The following TAFA5 variants were observed in gnomAD, a reference collection of about 807,000 sequenced individuals.
The protein encoded by TAFA5 is chemokine-like protein TAFA-5.
Under a neutral mutation model 15.3 loss-of-function variants are expected in TAFA5, and 6 were observed. That is an observed-to-expected ratio of 0.39 (90% CI 0.21 to 0.77). The LOEUF is 0.77. TAFA5 is among the 30% of genes least tolerant of loss of function. The pLI, the probability that TAFA5 is intolerant of heterozygous loss-of-function variation, is 0.41. For missense variants in TAFA5, 161 were observed against 193.1 expected (o/e 0.83, Z 0.98); for synonymous variants, 103 against 80.7 (o/e 1.28, Z -1.48).
chr22:48,524,649 G>A (rs146860794), intron 1 of TAFA5, among the ~76,000 whole-genome samples: 5 of 152,176 alleles, frequency 3.3e-5, no homozygotes, highest in African/African-American at 4.8e-5. Context: ...GTTCTCACAC[G>A]CAGGATCCGG....
At chr22:48,614,111 G>A (rs1307979429) in intron 1 of TAFA5, among the ~76,000 whole-genome samples, 2 of 152,040 alleles carry the variant, frequency 1.3e-5, no homozygotes, top group African/African-American at 4.8e-5. Flanking sequence ...CAGCCGGTGT[G>A]CTTGGCTACA....
chr22:48,727,316 T>C (rs1157578906), intron 3 of TAFA5, among the ~76,000 whole-genome samples: 8 of 152,216 alleles, frequency 5.3e-5, no homozygotes, highest in Admixed American at 5.2e-4. Context: ...CTGTAACCTC[T>C]AGTAAAACTA....
chr22:48,686,937 TGG>T (rs2147234663), intron 2 of TAFA5, among the ~76,000 whole-genome samples: 1 of 137,782 alleles, frequency 7.3e-6, no homozygotes, highest in East Asian at 2.1e-4. Flanking sequence ...GATGGATGGA[TGG>T]ATTGGTGGAG....
chr22:48,528,271 AGAGTTGCGGT>A (rs942206130), intron 1 of TAFA5, among the ~76,000 whole-genome samples: 1 of 152,170 alleles, frequency 6.6e-6, no homozygotes, highest in African/African-American at 2.4e-5. Context: ...GGGCTGCTGC[AGAGTTGCGGT>A]GAGGACTCCA....
intron 3 of TAFA5, among the ~76,000 whole-genome samples, chr22:48,725,938 C>T (rs1487504531): frequency 6.6e-6 from 1 of 152,086 alleles, no homozygotes; most frequent in African/African-American, 2.4e-5. Flanking sequence ...AACGAAAAAC[C>T]AAACAAAAAC....
intron 1 of TAFA5, among the ~76,000 whole-genome samples, chr22:48,618,510 G>A (rs200376205): frequency 6.8e-4 from 104 of 152,320 alleles, no homozygotes; most frequent in African/African-American, 2.2e-3. Flanking sequence ...ACGGATTGGC[G>A]TTGTTTCATA....
chr22:48,714,730 C>A (rs9628606), intron 3 of TAFA5, among the ~76,000 whole-genome samples: 9,645 of 152,286 alleles, frequency 0.063, 367 homozygotes, highest in Admixed American at 0.095. Flanking sequence ...GTGTGTCCTG[C>A]GGCCACCATA....
chr22:48,620,087 A>G (rs1401835982), intron 1 of TAFA5, among the ~76,000 whole-genome samples: 6 of 152,178 alleles, frequency 3.9e-5, no homozygotes, highest in Non-Finnish European at 8.8e-5. Context: ...GCGTCGAGGA[A>G]GGACCCGGGG....
intron 1 of TAFA5, among the ~76,000 whole-genome samples, chr22:48,492,342 G>T (rs917811826): frequency 6.6e-6 from 1 of 152,210 alleles, no homozygotes; most frequent in Non-Finnish European, 1.5e-5. Context: ...TAGGGAAACT[G>T]ATAAGTATCA....
chr22:48,687,805 C>G (rs751939793), intron 2 of TAFA5, among the ~76,000 whole-genome samples: 1 of 152,190 alleles, frequency 6.6e-6, no homozygotes. Context: ...CCACATACCA[C>G]GACCCACCTT....
At chr22:48,507,209 G>A (rs1280363835) in intron 1 of TAFA5, among the ~76,000 whole-genome samples, 2 of 121,392 alleles carry the variant, frequency 1.6e-5, no homozygotes, top group South Asian at 2.5e-4. Flanking sequence ...CAAGGGCCAG[G>A]TGTGCAGTTG....
At chr22:48,698,658 G>A (rs1385800619) in intron 2 of TAFA5, among the ~76,000 whole-genome samples, 4 of 151,810 alleles carry the variant, frequency 2.6e-5, no homozygotes, top group African/African-American at 9.7e-5. Context: ...CAGGAGCTGA[G>A]CAAGGATGAG....
chr22:48,610,599 G>A (rs1402183660), intron 1 of TAFA5, among the ~76,000 whole-genome samples: 1 of 101,702 alleles, frequency 9.8e-6, no homozygotes, highest in Non-Finnish European at 2.6e-5. Context: ...GCATGGAGGA[G>A]CAGAGGGGCA....
chr22:48,627,051 C>T (rs572116289), intron 1 of TAFA5, among the ~76,000 whole-genome samples: 5 of 152,228 alleles, frequency 3.3e-5, no homozygotes, highest in Admixed American at 6.5e-5. Context: ...GCAGCCCCTC[C>T]TGGTGATCCT....
chr22:48,582,514 CAAAAT>C (rs1924097427), intron 1 of TAFA5, among the ~76,000 whole-genome samples: 2 of 150,646 alleles, frequency 1.3e-5, no homozygotes, highest in Admixed American at 6.6e-5. Context: ...ACACTACACA[CAAAAT>C]ACACCACACA....
intron 2 of TAFA5, among the ~76,000 whole-genome samples, chr22:48,677,549 G>A (rs549484777): frequency 3.9e-5 from 6 of 152,328 alleles, no homozygotes; most frequent in Non-Finnish European, 5.9e-5. Context: ...CAGCAGCAAC[G>A]TGGGACAGCC....
chr22:48,613,633 G>A (rs1925491983), intron 1 of TAFA5, among the ~76,000 whole-genome samples: 1 of 152,216 alleles, frequency 6.6e-6, no homozygotes. Context: ...TCCATTGAGT[G>A]TTTGGTTCTG....
At chr22:48,613,442 C>T (rs1415181102) in intron 1 of TAFA5, among the ~76,000 whole-genome samples, 1 of 152,154 alleles carries the variant, frequency 6.6e-6, no homozygotes, top group East Asian at 1.9e-4. Context: ...GCCTCCCAGC[C>T]TCTCTGGGGT....
intron 1 of TAFA5, among the ~76,000 whole-genome samples, chr22:48,591,009 G>A (rs1042760137): frequency 1.3e-5 from 2 of 151,998 alleles, no homozygotes; most frequent in Non-Finnish European, 2.9e-5. Context: ...CCATCACCAC[G>A]CCCAGCTAAT....
Sources: allele counts gnomAD v4.1 joint callset (sites outside exome capture counted in the v4.1 genomes callset), GRCh38; gene constraint gnomAD v4.1.1; transcripts MANE v1.5; gene names NCBI Gene and HGNC (gene_info 2026-07-23, HGNC 2026-07-21).